The following TMTC2 variants were observed in gnomAD, a reference collection of about 807,000 sequenced individuals.
TMTC2 encodes the protein protein O-mannosyl-transferase TMTC2.
TMTC2 carries 43 observed loss-of-function variants against 82.4 expected under a neutral mutation model. The ratio of observed to expected loss-of-function variants is 0.52; its 90% CI spans 0.41 to 0.67. The LOEUF is 0.67. Ranked by LOEUF, TMTC2 falls within the 30% of genes least tolerant of loss-of-function variation. TMTC2 has a pLI of 0.00. For missense variants in TMTC2, 919 were observed against 1,012.4 expected (o/e 0.91, Z 1.25); for synonymous variants, 408 against 381.9 (o/e 1.07, Z -0.80).
At chr12:82,997,348 GTATATATATATA>G (rs370359828) in intron 8 of TMTC2, among the ~76,000 whole-genome samples, 3 of 21,598 alleles carry the variant, frequency 1.4e-4, no homozygotes, top group African/African-American at 2.2e-4. Context: ...GTGTGTGTGT[GTATATATATATA>G]TATATGTGTA....
rs559748264 is a variant in TMTC2 at position 83,010,811 on chromosome 12, C to T, written c.2071-19987C>T. 1.5e-4 allele frequency among the ~76,000 whole-genome samples: 20 copies of T among 136,310 alleles called. No individual in the cohort carries two copies. The South Asian group carries it at 2.0e-3, about 14-fold the overall frequency. The allele number at this position is 136,310 out of a possible 152,430, so 89.4% of individuals were successfully genotyped here. ...CATAATGTGTATTGTATGTAGTAAA[C>T]GCTTGATTGATGTTTTATTATTTAT... On this transcript the variant is annotated intron_variant, in intron 8 of 11. Transcript: ENST00000321196.
At chr12:83,126,322 GGA>G (rs1174694861) in intron 11 of TMTC2, among the ~76,000 whole-genome samples, 1 of 152,026 alleles carries the variant, frequency 6.6e-6, no homozygotes, top group African/African-American at 2.4e-5. Context: ...AATAGGATAG[GGA>G]GAGAGATTTA....
intron 1 of TMTC2, among the ~76,000 whole-genome samples, chr12:82,751,706 C>T (rs1876017361): frequency 6.6e-6 from 1 of 152,042 alleles, no homozygotes; most frequent in Non-Finnish European, 1.5e-5. Flanking sequence ...AGTATATTAA[C>T]ATTCATATGA....
At chr12:82,690,089 T>G (rs565888225) in intron 1 of TMTC2, among the ~76,000 whole-genome samples, 2 of 152,218 alleles carry the variant, frequency 1.3e-5, no homozygotes, top group Non-Finnish European at 2.9e-5. Context: ...CCTGTTCAAG[T>G]GATTCATTGT....
At chr12:83,005,292 G>A (rs1231113976) in intron 8 of TMTC2, among the ~76,000 whole-genome samples, 1 of 140,470 alleles carries the variant, frequency 7.1e-6, no homozygotes. Context: ...CTGCGCCACC[G>A]CACTCCAGCC....
At chr12:83,016,018 T>TATA (rs1880661928) in intron 8 of TMTC2, among the ~76,000 whole-genome samples, 1 of 152,234 alleles carries the variant, frequency 6.6e-6, no homozygotes, top group Non-Finnish European at 1.5e-5. Flanking sequence ...TGCTGTTTTC[T>TATA]ATAGATCTTT....
At chr12:82,845,771 AG>A (rs1870625839) in intron 1 of TMTC2, among the ~76,000 whole-genome samples, 1 of 152,048 alleles carries the variant, frequency 6.6e-6, no homozygotes, top group Non-Finnish European at 1.5e-5. Context: ...AAGTGCTTAG[AG>A]TGTGGTATTT....
At chr12:82,975,780 T>C (rs1167866445) in intron 7 of TMTC2, among the ~76,000 whole-genome samples, 3 of 152,126 alleles carry the variant, frequency 2.0e-5, no homozygotes, top group Non-Finnish European at 4.4e-5. Flanking sequence ...TTTTCTTTTA[T>C]CGTTTTCCTG....
chr12:82,899,028 A>G (rs1873825880), intron 3 of TMTC2, among the ~76,000 whole-genome samples: 1 of 152,146 alleles, frequency 6.6e-6, no homozygotes, highest in Non-Finnish European at 1.5e-5. Context: ...ATGTTTGATC[A>G]TTTCTTTATT....
intron 4 of TMTC2, among the ~76,000 whole-genome samples, chr12:82,946,613 T>C (rs925925285): frequency 6.6e-6 from 1 of 152,216 alleles, no homozygotes; most frequent in African/African-American, 2.4e-5. Flanking sequence ...GCCATCTTGC[T>C]ATTCTGATAA....
rs1271958208 is a variant in TMTC2 at position 82,896,325 on chromosome 12, C to T, written c.1162C>T (p.Pro388Ser). 1.9e-6 allele frequency: 3 copies of T among 1,614,020 alleles called. No homozygotes were observed. Among genetic ancestry groups the T allele is most frequent in the Non-Finnish European group, 2.5e-6 (3 of 1,180,046 alleles). ...KNDVSQRTQL[P>S]STENIVVLSL... ...CGATGTATCACAGAGAACCCAGCTTCCTTCTACGGAGAACATTGTTGTTCT... is the reference window on the plus strand; with the variant it reads ...CGATGTATCACAGAGAACCCAGCTTTCTTCTACGGAGAACATTGTTGTTCT... Residue 388 changes from proline (P) to serine (S), a missense_variant, in exon 3 of 12, where the codon CCT becomes TCT. Pro to Ser is a moderately conservative substitution (Grantham distance 74). Coordinates refer to ENST00000321196, the MANE Select transcript of TMTC2 (RefSeq NM_152588.3).
At chr12:83,080,424 T>C (rs1176556637) in intron 11 of TMTC2, among the ~76,000 whole-genome samples, 2 of 152,056 alleles carry the variant, frequency 1.3e-5, no homozygotes, top group African/African-American at 4.8e-5. Context: ...CTAAGATTTT[T>C]ATATCTGTAA....
At chr12:83,009,220 C>T (rs985247897) in intron 8 of TMTC2, among the ~76,000 whole-genome samples, 5 of 152,168 alleles carry the variant, frequency 3.3e-5, no homozygotes, top group African/African-American at 1.2e-4. Context: ...ATGTATTTCA[C>T]AGGGATGAGT....
chr12:82,763,423 C>G (rs1449972013), intron 1 of TMTC2, among the ~76,000 whole-genome samples: 1 of 152,228 alleles, frequency 6.6e-6, no homozygotes, highest in Non-Finnish European at 1.5e-5. Context: ...CTATCCAGGA[C>G]TGTCCACTTA....
At chr12:82,922,656 T>A (rs1209567183) in intron 3 of TMTC2, among the ~76,000 whole-genome samples, 1 of 152,230 alleles carries the variant, frequency 6.6e-6, no homozygotes, top group Non-Finnish European at 1.5e-5. Context: ...CATATTTGAT[T>A]TGTATGTAAT....
At chr12:82,854,187 CT>C (rs960962903) in intron 1 of TMTC2, among the ~76,000 whole-genome samples, 2 of 152,176 alleles carry the variant, frequency 1.3e-5, no homozygotes, top group African/African-American at 4.8e-5. Flanking sequence ...AATAGGTCTT[CT>C]TTTAATAAAG....
chr12:82,698,950 A>G (rs1326823403), intron 1 of TMTC2, among the ~76,000 whole-genome samples: 2 of 152,198 alleles, frequency 1.3e-5, no homozygotes, highest in African/African-American at 2.4e-5. Flanking sequence ...CAGTTTCATC[A>G]TGCTACTCAG....
chr12:82,781,135 C>G (rs1389722336), intron 1 of TMTC2, among the ~76,000 whole-genome samples: 1 of 151,878 alleles, frequency 6.6e-6, no homozygotes, highest in African/African-American at 2.4e-5. Context: ...TGGATTTGAG[C>G]AAAAGCAGGA....
intron 8 of TMTC2, among the ~76,000 whole-genome samples, chr12:82,989,897 C>G (rs1020901136): frequency 5.3e-5 from 8 of 151,872 alleles, no homozygotes; most frequent in Non-Finnish European, 1.0e-4. Context: ...GAAATACAAA[C>G]CCTATTATGG....
Sources: gnomAD v4.1 joint callset for allele counts (sites outside exome capture counted in the v4.1 genomes callset) on GRCh38, gnomAD v4.1.1 for gene constraint, MANE v1.5 for transcripts, NCBI Gene and HGNC (gene_info 2026-07-23, HGNC 2026-07-21) for gene names.